ADCY1: variants seen among roughly 807,000 people sequenced by gnomAD.
ADCY1 encodes the protein adenylate cyclase 1.
In ADCY1, 28 loss-of-function variants were observed where a neutral mutation model predicts 105.4. The ratio of observed to expected loss-of-function variants is 0.27; its 90% CI spans 0.20 to 0.36. The LOEUF (loss-of-function observed/expected upper bound fraction) is 0.36, where lower values mean the gene tolerates loss of function less well. Ranked by LOEUF, ADCY1 falls within the 10% of genes least tolerant of loss-of-function variation. The pLI is 1.00. For missense variants in ADCY1, 977 were observed against 1,434.2 expected, an observed-to-expected ratio of 0.68 and a Z score of 5.15; for synonymous variants, 655 against 623.8, an observed-to-expected ratio of 1.05 and a Z score of -0.75.
chr7:45,628,228 T>C (rs898520588), intron 4 of ADCY1, among the ~76,000 whole-genome samples: 6 of 152,214 alleles, frequency 3.9e-5, no homozygotes, highest in Admixed American at 2.0e-4. Flanking sequence ...TACAGGCCAC[T>C]AGGCCTCAGA....
At chr7:45,665,360 A>C (rs1784211066) in intron 8 of ADCY1, among the ~76,000 whole-genome samples, 1 of 152,184 alleles carries the variant, frequency 6.6e-6, no homozygotes, top group Non-Finnish European at 1.5e-5. Flanking sequence ...AGTTACGCTC[A>C]TCGCCCACTG....
chr7:45,645,748 G>T (rs1794645991), intron 4 of ADCY1, among the ~76,000 whole-genome samples: 1 of 152,132 alleles, frequency 6.6e-6, no homozygotes, highest in South Asian at 2.1e-4. Context: ...ATGCAGGGAT[G>T]ATCAGGGACC....
chr7:45,612,548 C>T (rs532123804), intron 3 of ADCY1, among the ~76,000 whole-genome samples: 2 of 152,268 alleles, frequency 1.3e-5, no homozygotes, highest in Non-Finnish European at 1.5e-5. Context: ...TGGAATACCT[C>T]GAGGGGAGCC....
chr7:45,701,708 A>C (rs1023842324), intron 14 of ADCY1, among the ~76,000 whole-genome samples: 6 of 152,194 alleles, frequency 3.9e-5, no homozygotes, highest in African/African-American at 1.2e-4. Context: ...TATTGATGAG[A>C]ACTTGAGTTG....
rs1413618602 is a variant in ADCY1, at chr7:45,574,850, C to T, written c.307C>T (p.Leu103=). ...GSHPVHCVLF[L]ALLVVTNVRS... is the part of the protein sequence containing the mutation. ...ACACCCGGTGCACTGCGTCCTCTTC[C>T]TGGCGCTGCTCGTGGTAACCAACGT... The change falls in exon 1 of 20, where the codon CTG becomes TTG. Residue 103 remains leucine (L), a synonymous_variant. Transcript: ENST00000297323. This position sits in a 1 kb window ranked among gnomAD's most constrained non-coding sequence, Gnocchi z 7.0. The T allele has an allele frequency of 3.1e-6, 5 of 1,611,240 alleles. 1 individual carries two copies. In the South Asian group the frequency reaches 5.5e-5, roughly 18 times the overall value.
Position 45,703,471 on chromosome 7 carries a change from C to T in ADCY1, c.2550C>T (p.Leu850=). ...CGGCCCACGTCGCCCAGCACTTCCT[C>T]ATGTCCAACCCTCGGAACATGGTGA... ...LLPAHVAQHF[L]MSNPRNMDLY... Residue 850 remains leucine (L), a synonymous_variant, in exon 15 of 20, where the codon CTC becomes CTT. Coordinates refer to ENST00000297323, the MANE Select transcript of ADCY1 (RefSeq NM_021116.4). This position sits in a 1 kb window ranked among gnomAD's most constrained non-coding sequence, Gnocchi z 5.9. 6.2e-7 allele frequency: 1 copy of T among 1,614,134 alleles called. No homozygotes were observed. Among genetic ancestry groups the T allele is most frequent in the South Asian group, 1.1e-5 (1 of 91,074 alleles).
intron 2 of ADCY1, among the ~76,000 whole-genome samples, chr7:45,601,745 G>A (rs1793246437): frequency 6.6e-6 from 1 of 152,156 alleles, no homozygotes; most frequent in South Asian, 2.1e-4. Context: ...ACATGCTTTT[G>A]TGACCTTGCT....
chr7:45,654,200 G>C (rs1214292711), intron 5 of ADCY1, among the ~76,000 whole-genome samples: 1 of 152,174 alleles, frequency 6.6e-6, no homozygotes, highest in African/African-American at 2.4e-5. Flanking sequence ...GTACCCATAG[G>C]AATGTGGATT....
chr7:45,636,921 T>C (rs932593580), intron 4 of ADCY1, among the ~76,000 whole-genome samples: 1 of 152,254 alleles, frequency 6.6e-6, no homozygotes, highest in Non-Finnish European at 1.5e-5. Flanking sequence ...CTGCTTTCAA[T>C]TGGAGTGTTT....
chr7:45,610,769 A>G (rs118197439), intron 3 of ADCY1, among the ~76,000 whole-genome samples: 7,204 of 21,492 alleles, frequency 0.34, 627 homozygotes, highest in South Asian at 0.36. Flanking sequence ...TAGAGGTGAT[A>G]GTGGAGGTGT....
At chr7:45,709,677 A>C in intron 18 of ADCY1, among the ~76,000 whole-genome samples, 1 of 152,144 alleles carries the variant, frequency 6.6e-6, no homozygotes, top group South Asian at 2.1e-4. Flanking sequence ...AAATTAGTCC[A>C]CAAGTATGGA....
chr7:45,649,279 C>T (rs977522136), intron 5 of ADCY1, among the ~76,000 whole-genome samples: 1 of 152,190 alleles, frequency 6.6e-6, no homozygotes, highest in African/African-American at 2.4e-5. Flanking sequence ...ATGAATATTA[C>T]ACCTGTGAGG....
rs554225387 is a variant in ADCY1, at chr7:45,575,359, C to G, written c.639+177C>G. 3.7e-4 allele frequency among the ~76,000 whole-genome samples: 56 copies of G among 152,368 alleles called. No homozygotes were observed. The highest frequency in any genetic ancestry group is 3.4e-3 in the Middle Eastern group (1 of 294). ...TGGGGACGCAGTCGGGGCTGGCACCCTCCGGCCAGGGCTCTCTTCAGAGTT... is the reference window on the plus strand; with the variant it reads ...TGGGGACGCAGTCGGGGCTGGCACCGTCCGGCCAGGGCTCTCTTCAGAGTT... On this transcript the variant is annotated intron_variant, in intron 1 of 19. Transcript: ENST00000297323. The surrounding 1 kb of genome is among the most constrained non-coding windows in gnomAD (Gnocchi z 4.7).
intron 14 of ADCY1, among the ~76,000 whole-genome samples, chr7:45,701,418 A>G (rs566309468): frequency 1.3e-4 from 20 of 152,298 alleles, no homozygotes; most frequent in Non-Finnish European, 2.8e-4. Context: ...AAATTTTTAA[A>G]TCACAATGCC....
rs1280342432 is a variant in ADCY1, at chr7:45,722,046, CGACGGCAG to C, written c.*8052_*8059del. ...AGGTGAGGGCAGTGGGAAGCTGGCC[CGACGGCAG>C]CCAGAACTTGTTTCTCACCTCCCAC... On this transcript the variant is annotated 3_prime_UTR_variant, in exon 20 of 20. Coordinates refer to ENST00000297323, the MANE Select transcript of ADCY1 (RefSeq NM_021116.4). 1.3e-5 allele frequency: 5 copies of C among 383,270 alleles called. No homozygotes were observed. Among genetic ancestry groups the C allele is most frequent in the Non-Finnish European group, 2.3e-5 (5 of 216,688 alleles). The allele number at this position is 383,270 out of a possible 1,614,324, so 23.7% of individuals were successfully genotyped here.
At position 45,633,192 on chromosome 7, in the gene ADCY1, A is replaced by G. The variant is rs998166690; in HGVS notation, c.1020+10449A>G. The stretch of plus-strand genomic sequence containing the variant: ...CTCGGTCTTCCAAAGTCCTGGTATT[A>G]CAGGCGTAAGTCACAGCACCCGGCC... On this transcript the variant is annotated intron_variant, in intron 4 of 19. Coordinates refer to ENST00000297323, the MANE Select transcript of ADCY1 (RefSeq NM_021116.4). Among the ~76,000 whole-genome samples, 4 of 152,346 alleles carry G rather than the reference A, an allele frequency of 2.6e-5. No homozygotes were observed. The South Asian group carries it at 8.3e-4, about 32-fold the overall frequency.
chr7:45,703,895 T>C lies in ADCY1; in HGVS notation c.2718+149T>C. The C allele has an allele frequency of 2.5e-6, 3 of 1,222,242 alleles. No individual in the cohort carries two copies. The highest frequency in any genetic ancestry group is 2.2e-6 in the Non-Finnish European group (2 of 895,412). 75.7% of individuals were successfully genotyped at this position (1,222,242 alleles called of 1,614,324 possible). The stretch of plus-strand genomic sequence containing the variant: ...GGAAGCACAGGCATTCTGTCTCCTT[T>C]GGGATCCAGACCAACCATGACAGGA... On this transcript the variant is annotated intron_variant, in intron 16 of 19. Transcript: ENST00000297323. The surrounding 1 kb of genome is among the most constrained non-coding windows in gnomAD (Gnocchi z 5.9).
rs571589522 is a variant in ADCY1 at position 45,582,334 on chromosome 7, C to T, written c.639+7152C>T. Among the ~76,000 whole-genome samples the T allele has an allele frequency of 1.3e-3, 194 of 152,282 alleles. 1 individual carries two copies. The highest frequency in any genetic ancestry group is 4.5e-3 in the African/African-American group (188 of 41,564). The stretch of plus-strand genomic sequence containing the variant: ...AGCCCAGTTCCTGCACCTCCAGCTC[C>T]GTGACCTTGGCAATCTCAGAATCTG... On this transcript the variant is annotated intron_variant, in intron 1 of 19. Transcript: ENST00000297323.
chr7:45,696,636 C>T (rs572447299), intron 14 of ADCY1, among the ~76,000 whole-genome samples: 2 of 152,266 alleles, frequency 1.3e-5, no homozygotes, highest in South Asian at 4.1e-4. Flanking sequence ...GCTCTCAGCC[C>T]TCCCCAGGAC....
Sources: allele counts gnomAD v4.1 joint callset (sites outside exome capture counted in the v4.1 genomes callset), GRCh38; gene constraint gnomAD v4.1.1; non-coding constraint Gnocchi (gnomAD v3.1); transcripts MANE v1.5; gene names NCBI Gene and HGNC (gene_info 2026-07-23, HGNC 2026-07-21).